Variants in PDE10A observed in about 807,000 individuals in gnomAD.
PDE10A encodes phosphodiesterase 10A, also known as cAMP and cAMP-inhibited cGMP 3',5'-cyclic phosphodiesterase 10A.
Under a neutral mutation model 97.7 loss-of-function variants are expected in PDE10A, and 39 were observed. That is an observed-to-expected ratio of 0.40 (90% confidence interval 0.31 to 0.52). The LOEUF (loss-of-function observed/expected upper bound fraction) is 0.52. Ranked by LOEUF, PDE10A falls within the 20% of genes least tolerant of loss-of-function variation. The probability of loss-of-function intolerance (pLI) is 0.56; values close to 1 mark genes in which losing one functional copy is unlikely to be tolerated. For synonymous variants in PDE10A, 371 were observed against 376.8 expected, an observed-to-expected ratio of 0.98 and a Z score of 0.18; for missense variants, 731 against 1,047.8, an observed-to-expected ratio of 0.70 and a Z score of 4.17.
intron 1 of PDE10A, among the ~76,000 whole-genome samples, chr6:165,677,483 G>T (rs1790832417): frequency 6.6e-6 from 1 of 152,190 alleles, no homozygotes; most frequent in Non-Finnish European, 1.5e-5. Flanking sequence ...AAAATATTTA[G>T]AAATAAAATG....
chr6:165,599,099 C>T (rs558731172), intron 1 of PDE10A, among the ~76,000 whole-genome samples: 3 of 152,278 alleles, frequency 2.0e-5, no homozygotes, highest in South Asian at 4.1e-4. Context: ...TTCAGAATTG[C>T]CCTAAGACGG....
chr6:165,797,680 G>GT (rs1372367850), intron 1 of PDE10A, among the ~76,000 whole-genome samples: 1 of 152,008 alleles, frequency 6.6e-6, no homozygotes, highest in East Asian at 1.9e-4. Flanking sequence ...ATAAGTTTAG[G>GT]TATACTATAG....
At chr6:165,603,617 G>C (rs12192968) in intron 1 of PDE10A, among the ~76,000 whole-genome samples, 15,604 of 152,278 alleles carry the variant, frequency 0.1, 953 homozygotes, top group Non-Finnish European at 0.13. Context: ...CCCTGGCAGA[G>C]AATCTGGGAG....
intron 13 of PDE10A, among the ~76,000 whole-genome samples, chr6:165,409,357 G>C (rs1293141905): frequency 6.6e-6 from 1 of 152,054 alleles, no homozygotes; most frequent in African/African-American, 2.4e-5. Context: ...GAATAGCCTG[G>C]CCAACGTGGT....
intron 1 of PDE10A, among the ~76,000 whole-genome samples, chr6:165,868,938 A>G (rs1295736468): frequency 6.6e-6 from 1 of 151,956 alleles, no homozygotes; most frequent in African/African-American, 2.4e-5. Context: ...ATCATATGGA[A>G]AGAACATACC....
At chr6:165,963,173 C>T (rs1374489941) in intron 1 of PDE10A, among the ~76,000 whole-genome samples, 2 of 152,200 alleles carry the variant, frequency 1.3e-5, no homozygotes, top group Admixed American at 6.5e-5. Context: ...GATCCCCCCA[C>T]ACCCTAATAT....
At chr6:165,922,227 C>A (rs1782775522) in intron 1 of PDE10A, among the ~76,000 whole-genome samples, 1 of 152,168 alleles carries the variant, frequency 6.6e-6, no homozygotes, top group African/African-American at 2.4e-5. Flanking sequence ...TTTCCAATAT[C>A]ATTGAGTGAG....
intron 1 of PDE10A, among the ~76,000 whole-genome samples, chr6:165,958,752 A>AGGAAG (rs1784265828): frequency 1.3e-5 from 2 of 150,882 alleles, no homozygotes; most frequent in Admixed American, 6.6e-5. Flanking sequence ...AGAAAGAGAA[A>AGGAAG]GAAAGAAAGA....
chr6:165,805,784 G>A (rs1000829037), intron 1 of PDE10A, among the ~76,000 whole-genome samples: 46 of 151,860 alleles, frequency 3.0e-4, no homozygotes, highest in Non-Finnish European at 5.9e-4. Context: ...TACCGAGTTC[G>A]GGGCCAGAAA....
At chr6:165,749,837 T>A (rs946394342) in intron 1 of PDE10A, among the ~76,000 whole-genome samples, 2 of 152,264 alleles carry the variant, frequency 1.3e-5, no homozygotes, top group African/African-American at 4.8e-5. Flanking sequence ...CCACATCAAA[T>A]TCTGTCTTAT....
chr6:165,335,974 C>T, intron 21 of PDE10A, 149 bp downstream of exon 21: 1 of 690,666 alleles, frequency 1.4e-6, no homozygotes, highest in Non-Finnish European at 2.6e-6. Flanking sequence ...CTGGGGAAGC[C>T]AGGTAAGGAG....
chr6:165,558,382 A>G (rs535876955), intron 1 of PDE10A, among the ~76,000 whole-genome samples: 1 of 151,942 alleles, frequency 6.6e-6, no homozygotes, highest in Non-Finnish European at 1.5e-5. Flanking sequence ...TATGTTCTCA[A>G]TCATAGGTGG....
intron 1 of PDE10A, among the ~76,000 whole-genome samples, chr6:165,564,754 T>C (rs1194571227): frequency 4.6e-5 from 7 of 152,196 alleles, no homozygotes; most frequent in Admixed American, 4.6e-4. Context: ...TACATCTTAC[T>C]TTAAACATTT....
intron 1 of PDE10A, among the ~76,000 whole-genome samples, chr6:165,744,896 C>T (rs899845086): frequency 6.6e-6 from 1 of 151,846 alleles, no homozygotes; most frequent in Non-Finnish European, 1.5e-5. Context: ...TGATAAGCTT[C>T]CAGTAGTGAG....
chr6:165,911,873 T>C (rs909460947), intron 1 of PDE10A, among the ~76,000 whole-genome samples: 1 of 152,130 alleles, frequency 6.6e-6, no homozygotes, highest in African/African-American at 2.4e-5. Flanking sequence ...CGGAGGAAGC[T>C]TTTGAGGGCC....
At chr6:165,854,910 G>C (rs1780679092) in intron 1 of PDE10A, among the ~76,000 whole-genome samples, 1 of 152,204 alleles carries the variant, frequency 6.6e-6, no homozygotes, top group Non-Finnish European at 1.5e-5. Flanking sequence ...GGTCCCAGGG[G>C]ATGCGGGAAG....
At chr6:165,696,101 T>G (rs80294876) in intron 1 of PDE10A, among the ~76,000 whole-genome samples, 3,850 of 152,080 alleles carry the variant, frequency 0.025, 130 homozygotes, top group African/African-American at 0.08. Context: ...TGTGTGTTGG[T>G]GTTGGGGAGG....
At chr6:165,743,235 CCTTT>C (rs987062998) in intron 1 of PDE10A, among the ~76,000 whole-genome samples, 2 of 152,168 alleles carry the variant, frequency 1.3e-5, no homozygotes, top group Admixed American at 6.5e-5. Context: ...CTTTTTAAAA[CCTTT>C]CTATTTGGGA....
chr6:165,445,892 TAG>T (rs145999232), intron 5 of PDE10A, among the ~76,000 whole-genome samples: 4,224 of 144,514 alleles, frequency 0.029, 156 homozygotes, highest in African/African-American at 0.089. Flanking sequence ...AATTCACAGT[TAG>T]AGAGAGAGAG....
Sources: gnomAD v4.1 joint callset for allele counts (sites outside exome capture counted in the v4.1 genomes callset) on GRCh38, gnomAD v4.1.1 for gene constraint, MANE v1.5 for transcripts, NCBI Gene and HGNC (gene_info 2026-07-23, HGNC 2026-07-21) for gene names.